LSAMP: variants seen among roughly 807,000 people sequenced by gnomAD.
LSAMP encodes limbic system-associated membrane protein.
Under a neutral mutation model 38.6 loss-of-function variants are expected in LSAMP, and 7 were observed. The ratio of observed to expected loss-of-function variants is 0.18; its 90% CI spans 0.10 to 0.34. The LOEUF is 0.34. Ranked by LOEUF, LSAMP falls within the 10% of genes least tolerant of loss-of-function variation. The probability of loss-of-function intolerance (pLI) is 1.00; values close to 1 mark genes in which losing one functional copy is unlikely to be tolerated. For synonymous variants in LSAMP, 154 were observed against 166.8 expected (o/e 0.92, Z 0.59); for missense variants, 313 against 420.0 (o/e 0.75, Z 2.23).
At chr3:115,876,076 A>G (rs1191612942) in intron 3 of LSAMP, among the ~76,000 whole-genome samples, 2 of 151,418 alleles carry the variant, frequency 1.3e-5, no homozygotes, top group Non-Finnish European at 2.9e-5. Flanking sequence ...TGTTGAGGAG[A>G]TTTGTCTCTG....
intron 1 of LSAMP, among the ~76,000 whole-genome samples, chr3:116,433,492 T>C (rs1478416110): frequency 2.6e-5 from 4 of 152,116 alleles, no homozygotes; most frequent in Non-Finnish European, 5.9e-5. Context: ...CAGAAGGAAA[T>C]TTGGGATTAT....
At position 116,015,236 on chromosome 3, in the gene LSAMP, C is replaced by T. The variant is rs545342648; in HGVS notation, c.514+4279G>A. Among the ~76,000 whole-genome samples the T allele has an allele frequency of 5.9e-5, 9 of 152,282 alleles. No homozygotes were observed. In the East Asian group the frequency reaches 7.7e-4, roughly 13 times the overall value. ...TGAGTTTTTCAGTGATAGAAAACTACGGAGGTTGTGTAAACCTTTGCAGAA... is the reference window on the plus strand; with the variant it reads ...TGAGTTTTTCAGTGATAGAAAACTATGGAGGTTGTGTAAACCTTTGCAGAA... On this transcript the variant is annotated intron_variant, in intron 3 of 6. Coordinates refer to ENST00000490035, the MANE Select transcript of LSAMP (RefSeq NM_002338.5).
chr3:115,870,522 C>T (rs925670527), intron 3 of LSAMP, among the ~76,000 whole-genome samples: 1 of 152,090 alleles, frequency 6.6e-6, no homozygotes, highest in African/African-American at 2.4e-5. Context: ...TAGGGAACTC[C>T]TTGAAAAGGA....
chr3:116,011,077 C>T (rs1346780043), intron 3 of LSAMP, among the ~76,000 whole-genome samples: 2 of 151,410 alleles, frequency 1.3e-5, no homozygotes, highest in Non-Finnish European at 2.9e-5. Context: ...GATCTCGGCT[C>T]ACTGCAAGCT....
At chr3:115,894,735 A>G (rs1226443215) in intron 3 of LSAMP, among the ~76,000 whole-genome samples, 1 of 152,080 alleles carries the variant, frequency 6.6e-6, no homozygotes, top group Non-Finnish European at 1.5e-5. Flanking sequence ...ACACGCAGGA[A>G]AAATTTAAAA....
chr3:116,429,608 C>T (rs1279253691), intron 1 of LSAMP, among the ~76,000 whole-genome samples: 3 of 152,036 alleles, frequency 2.0e-5, no homozygotes, highest in African/African-American at 7.3e-5. Flanking sequence ...CGACCACCGC[C>T]ACTACATTCT....
At chr3:115,889,108 G>T (rs994009053) in intron 3 of LSAMP, among the ~76,000 whole-genome samples, 4 of 151,926 alleles carry the variant, frequency 2.6e-5, no homozygotes, top group Admixed American at 2.6e-4. Context: ...ACATGTTCCA[G>T]TTGGGTAGGA....
chr3:116,136,557 T>C (rs1002820436), intron 1 of LSAMP, among the ~76,000 whole-genome samples: 3 of 152,150 alleles, frequency 2.0e-5, no homozygotes, highest in Non-Finnish European at 4.4e-5. Context: ...TCCAGATCTT[T>C]GATTCTTTTA....
chr3:116,228,618 T>A (rs2046367577), intron 1 of LSAMP, among the ~76,000 whole-genome samples: 1 of 152,150 alleles, frequency 6.6e-6, no homozygotes, highest in Admixed American at 6.5e-5. Flanking sequence ...TTACTATGAT[T>A]CTTACCAGTA....
chr3:116,391,059 A>T (rs1040531946), intron 1 of LSAMP, among the ~76,000 whole-genome samples: 1 of 152,202 alleles, frequency 6.6e-6, no homozygotes, highest in Non-Finnish European at 1.5e-5. Flanking sequence ...AGTTGAGCCA[A>T]AGTTGTCCAC....
intron 1 of LSAMP, among the ~76,000 whole-genome samples, chr3:116,210,818 A>G (rs763180713): frequency 3.3e-5 from 5 of 152,234 alleles, no homozygotes; most frequent in Non-Finnish European, 5.9e-5. Context: ...TCAGAGACAG[A>G]TAATTAAAAA....
At chr3:116,253,401 G>T (rs1559800647) in intron 1 of LSAMP, among the ~76,000 whole-genome samples, 1 of 152,174 alleles carries the variant, frequency 6.6e-6, no homozygotes, top group Non-Finnish European at 1.5e-5. Flanking sequence ...TCCCTGGAGA[G>T]ACACATTTTT....
chr3:116,425,207 A>T (rs1421171564), intron 1 of LSAMP, among the ~76,000 whole-genome samples: 2 of 152,214 alleles, frequency 1.3e-5, no homozygotes, highest in African/African-American at 4.8e-5. Context: ...GTGAGGTTAT[A>T]TGCTCACCTT....
At chr3:116,057,954 CA>C (rs2107742844) in intron 2 of LSAMP, among the ~76,000 whole-genome samples, 2 of 108,726 alleles carry the variant, frequency 1.8e-5, no homozygotes, top group South Asian at 5.0e-4. Context: ...CACACACACA[CA>C]CCCACACACA....
intron 3 of LSAMP, among the ~76,000 whole-genome samples, chr3:115,931,536 G>C (rs1368573819): frequency 6.6e-6 from 1 of 152,146 alleles, no homozygotes; most frequent in Non-Finnish European, 1.5e-5. Context: ...CGTTGGGTCA[G>C]AGAGGGTCCT....
intron 3 of LSAMP, among the ~76,000 whole-genome samples, chr3:115,891,207 A>C (rs1936590935): frequency 6.6e-6 from 1 of 151,958 alleles, no homozygotes; most frequent in Non-Finnish European, 1.5e-5. Flanking sequence ...CCATCCATGT[A>C]TACATATTCA....
intron 1 of LSAMP, among the ~76,000 whole-genome samples, chr3:116,187,724 CAAAGG>C (rs1312036531): frequency 1.3e-5 from 2 of 152,090 alleles, no homozygotes; most frequent in East Asian, 3.8e-4. Context: ...ATACCCATAC[CAAAGG>C]TATATCACAT....
At chr3:116,023,587 AGAGC>A (rs1345679449) in intron 2 of LSAMP, among the ~76,000 whole-genome samples, 1 of 142,326 alleles carries the variant, frequency 7.0e-6, no homozygotes, top group Non-Finnish European at 1.5e-5. Flanking sequence ...CCTGGGTGAC[AGAGC>A]GAGACTCCGT....
intron 1 of LSAMP, among the ~76,000 whole-genome samples, chr3:116,209,143 G>T (rs2046115560): frequency 6.6e-6 from 1 of 152,154 alleles, no homozygotes; most frequent in Non-Finnish European, 1.5e-5. Context: ...GCAGTATTCG[G>T]GTGGGAGTGA....
Sources: allele counts gnomAD v4.1 joint callset (sites outside exome capture counted in the v4.1 genomes callset), GRCh38; gene constraint gnomAD v4.1.1; transcripts MANE v1.5; gene names NCBI Gene and HGNC (gene_info 2026-07-23, HGNC 2026-07-21).